Variants in GATAD2A observed in about 807,000 individuals in gnomAD.
GATAD2A encodes the protein GATA zinc finger domain containing 2A.
Under a neutral mutation model 68.5 loss-of-function variants are expected in GATAD2A, and 12 were observed. The ratio of observed to expected loss-of-function variants is 0.18; its 90% CI spans 0.11 to 0.28. GATAD2A has a LOEUF of 0.28. GATAD2A is among the 10% of genes least tolerant of loss of function. The pLI, the probability that GATAD2A is intolerant of heterozygous loss-of-function variation, is 1.00. For missense variants in GATAD2A, 755 were observed against 868.5 expected (o/e 0.87, Z 1.64); for synonymous variants, 410 against 375.3 (o/e 1.09, Z -1.07).
intron 1 of GATAD2A, among the ~76,000 whole-genome samples, chr19:19,439,285 G>A (rs1298614613): frequency 6.6e-6 from 1 of 152,248 alleles, no homozygotes; most frequent in Non-Finnish European, 1.5e-5. Context: ...GCACTGCCTA[G>A]TGCTGGGTGT....
chr19:19,441,891 C>G (rs962879836), intron 1 of GATAD2A, among the ~76,000 whole-genome samples: 11 of 151,324 alleles, frequency 7.3e-5, no homozygotes, highest in African/African-American at 2.7e-4. Context: ...GACAGAGTTT[C>G]ACTCTTGTTG....
At chr19:19,472,203 C>T (rs764932687) in intron 2 of GATAD2A, among the ~76,000 whole-genome samples, 7 of 152,134 alleles carry the variant, frequency 4.6e-5, no homozygotes, top group African/African-American at 9.6e-5. Flanking sequence ...CCGGTTCTTT[C>T]TGTTTTGTTT....
At chr19:19,437,694 C>T (rs1401756022) in intron 1 of GATAD2A, among the ~76,000 whole-genome samples, 1 of 152,100 alleles carries the variant, frequency 6.6e-6, no homozygotes, top group Admixed American at 6.5e-5. Context: ...TGTAAGTGGC[C>T]TTTTGCGTCT....
chr19:19,474,165 A>G (rs1269836135), intron 2 of GATAD2A: 1 of 985,156 alleles, frequency 1.0e-6, no homozygotes, highest in African/African-American at 1.7e-5. Context: ...GATCACGGAT[A>G]GAGTGAGTCC....
chr19:19,425,432 A>G (rs577776977), intron 1 of GATAD2A, among the ~76,000 whole-genome samples: 2 of 152,196 alleles, frequency 1.3e-5, no homozygotes, highest in Non-Finnish European at 2.9e-5. Flanking sequence ...CAGGTCACAC[A>G]GGTGCATGTG....
intron 2 of GATAD2A, among the ~76,000 whole-genome samples, chr19:19,477,730 G>A (rs1020979686): frequency 8.5e-5 from 13 of 152,200 alleles, no homozygotes; most frequent in Admixed American, 8.5e-4. Context: ...CCTAGGTGGA[G>A]CCCAGGATCT....
At chr19:19,408,529 G>A (rs760317224) in intron 1 of GATAD2A, among the ~76,000 whole-genome samples, 2 of 147,788 alleles carry the variant, frequency 1.4e-5, no homozygotes, top group African/African-American at 2.7e-5. Flanking sequence ...TGTATTTTGC[G>A]TGTGTGTGTA....
At chr19:19,451,153 T>C (rs1333928582) in intron 1 of GATAD2A, among the ~76,000 whole-genome samples, 1 of 151,008 alleles carries the variant, frequency 6.6e-6, no homozygotes, top group African/African-American at 2.4e-5. Flanking sequence ...GGCAGCCGGA[T>C]CATGAGATCA....
intron 2 of GATAD2A, among the ~76,000 whole-genome samples, chr19:19,488,658 T>C (rs1296090714): frequency 6.6e-6 from 1 of 152,242 alleles, no homozygotes; most frequent in Non-Finnish European, 1.5e-5. Context: ...ACAGAATTTC[T>C]GTGCTTGTGA....
chr19:19,496,341 TCTTTCAGAGCCAGGCAGGGGCTTGGA>T (rs2060146644), intron 7 of GATAD2A, 122 bp downstream of exon 7: 1 of 898,468 alleles, frequency 1.1e-6, no homozygotes, highest in African/African-American at 1.6e-5. Flanking sequence ...CCTGCCTTGC[TCTTTCAGAGCCAGGCAGGGGCTTGGA>T]CTTGAGCTCC....
At chr19:19,494,067 T>TAG (rs2059984902) in intron 4 of GATAD2A, among the ~76,000 whole-genome samples, 1 of 151,564 alleles carries the variant, frequency 6.6e-6, no homozygotes, top group Non-Finnish European at 1.5e-5. Flanking sequence ...ATGCTGAGAG[T>TAG]AGGGGGTGGG....
chr19:19,433,353 T>C (rs2053956445), intron 1 of GATAD2A, among the ~76,000 whole-genome samples: 1 of 152,182 alleles, frequency 6.6e-6, no homozygotes, highest in African/African-American at 2.4e-5. Context: ...ATGTTAAGTC[T>C]CAAAATCAGT....
At chr19:19,425,069 A>T (rs1192367910) in intron 1 of GATAD2A, among the ~76,000 whole-genome samples, 1 of 152,106 alleles carries the variant, frequency 6.6e-6, no homozygotes, top group East Asian at 1.9e-4. Flanking sequence ...AACAATAAAA[A>T]AAAAAAAAAA....
intron 11 of GATAD2A, among the ~76,000 whole-genome samples, chr19:19,503,644 CTGTGTGTG>C (rs58706182): frequency 1.7e-4 from 25 of 148,714 alleles, no homozygotes; most frequent in African/African-American, 5.4e-4. Context: ...CATCTGGAAG[CTGTGTGTG>C]TGTGTGTGTG....
chr19:19,457,273 A>C (rs1211194477), intron 1 of GATAD2A: 3 of 983,132 alleles, frequency 3.1e-6, no homozygotes, highest in East Asian at 1.1e-4. Context: ...TTCTGGCTGC[A>C]GGTTCTTCCC....
chr19:19,440,361 A>C, intron 1 of GATAD2A: 1 of 194,446 alleles, frequency 5.1e-6, no homozygotes, highest in Non-Finnish European at 1.0e-5. Flanking sequence ...ATCTCCGCCT[A>C]CCAGGTTCAT....
At chr19:19,426,031 A>G (rs1328751565) in intron 1 of GATAD2A, among the ~76,000 whole-genome samples, 1 of 152,006 alleles carries the variant, frequency 6.6e-6, no homozygotes, top group Non-Finnish European at 1.5e-5. Flanking sequence ...CACGCAATCC[A>G]TCCACCTCGG....
At chr19:19,481,326 G>A (rs1022683840) in intron 2 of GATAD2A, among the ~76,000 whole-genome samples, 5 of 152,132 alleles carry the variant, frequency 3.3e-5, no homozygotes, top group African/African-American at 9.7e-5. Context: ...CCACCTCTGA[G>A]GTTTGTTTCT....
intron 2 of GATAD2A, 141 bp downstream of exon 2, chr19:19,465,755 AC>A: frequency 1.0e-6 from 1 of 989,562 alleles, no homozygotes; most frequent in Non-Finnish European, 1.5e-6. Context: ...CTCGGGCATC[AC>A]CCACCACTGG....
Sources: allele counts gnomAD v4.1 joint callset (sites outside exome capture counted in the v4.1 genomes callset), GRCh38; gene constraint gnomAD v4.1.1; transcripts MANE v1.5; gene names NCBI Gene and HGNC (gene_info 2026-07-23, HGNC 2026-07-21).